TENM4: variants seen among roughly 807,000 people sequenced by gnomAD.
TENM4 encodes the protein teneurin-4.
Under a neutral mutation model 243.3 loss-of-function variants are expected in TENM4, and 82 were observed. The observed-to-expected ratio is 0.34, with a 90% CI of 0.28 to 0.40. The LOEUF is 0.40. Among genes scored for constraint, TENM4 ranks in the 10% least tolerant of loss-of-function variants. The pLI, the probability that TENM4 is intolerant of heterozygous loss-of-function variation, is 1.00. For synonymous variants in TENM4, 1,412 were observed against 1,456.3 expected (o/e 0.97, Z 0.69); for missense variants, 3,138 against 3,673.3 (o/e 0.85, Z 3.77).
chr11:78,771,160 T>C, intron 17 of TENM4, 22 bp from the exon 18 acceptor site: 1 of 1,557,842 alleles, frequency 6.4e-7, no homozygotes, highest in Non-Finnish European at 8.7e-7. Context: ...AGTACAGGGT[T>C]GAGGTCTGAT....
chr11:78,756,052 T>C (rs1282840425), intron 19 of TENM4, among the ~76,000 whole-genome samples: 3 of 152,120 alleles, frequency 2.0e-5, no homozygotes, highest in Non-Finnish European at 2.9e-5. Context: ...TCTGGGTCTT[T>C]GCATGAGCTC....
intron 1 of TENM4, among the ~76,000 whole-genome samples, chr11:79,344,957 A>G (rs368603756): frequency 4.9e-4 from 75 of 152,340 alleles, no homozygotes; most frequent in African/African-American, 1.5e-3. Flanking sequence ...CAAAGCTTCC[A>G]TAACTTCCTA....
intron 3 of TENM4, among the ~76,000 whole-genome samples, chr11:79,165,000 C>CAT (rs980052059): frequency 3.0e-5 from 4 of 132,266 alleles, no homozygotes; most frequent in Admixed American, 1.5e-4. Context: ...TGTGTGTATA[C>CAT]ATATATATAC....
intron 9 of TENM4, among the ~76,000 whole-genome samples, chr11:78,875,762 C>T (rs912215695): frequency 1.3e-5 from 2 of 152,176 alleles, no homozygotes; most frequent in Non-Finnish European, 2.9e-5. Context: ...TTAACAAATA[C>T]TTACTGGATA....
Position 78,722,742 on chromosome 11 carries a change from G to T in TENM4, c.3726C>A (p.Ser1242Arg). The part of the protein sequence containing the change: ...PVALTCGSDG[S>R]LYVGDFNYIR... Reference sequence around the variant, plus strand: ...TGTAGTTGAAATCACCCACATAGAGGCTCCCGTCAGAGCCACAGGTGAGGG... The same window carrying T: ...TGTAGTTGAAATCACCCACATAGAGTCTCCCGTCAGAGCCACAGGTGAGGG... The change falls in exon 24 of 34, where the codon AGC becomes AGA. Residue 1242 changes from serine to arginine, a missense_variant. Physicochemically the swap from Ser to Arg is moderately radical, Grantham distance 110. This residue lies in a region of TENM4 where 2,467 missense variants were observed against 3,059.1 expected (regional missense o/e 0.81). Coordinates refer to ENST00000278550, the MANE Select transcript of TENM4 (RefSeq NM_001098816.3). 1 of 1,614,042 alleles carries T rather than the reference G, an allele frequency of 6.2e-7. No individual in the cohort carries two copies. The highest frequency in any genetic ancestry group is 1.3e-5 in the African/African-American group (1 of 75,054).
At chr11:79,285,664 G>A (rs1043973508) in intron 2 of TENM4, among the ~76,000 whole-genome samples, 71 of 151,540 alleles carry the variant, frequency 4.7e-4, no homozygotes, top group African/African-American at 1.7e-3. Flanking sequence ...TGTGTGTGTG[G>A]GTGGGTATGG....
At chr11:79,354,540 C>T (rs1220825537) in intron 1 of TENM4, among the ~76,000 whole-genome samples, 2 of 152,196 alleles carry the variant, frequency 1.3e-5, no homozygotes, top group African/African-American at 4.8e-5. Flanking sequence ...ATATTTTTCT[C>T]TACCTTAAAA....
intron 9 of TENM4, among the ~76,000 whole-genome samples, chr11:78,868,385 C>T (rs1051327785): frequency 2.6e-5 from 4 of 152,144 alleles, no homozygotes; most frequent in Admixed American, 2.6e-4. Context: ...CTAAGGAGTT[C>T]AGAAAAAGGC....
At chr11:78,969,671 G>T (rs1857502521) in intron 6 of TENM4, among the ~76,000 whole-genome samples, 1 of 152,206 alleles carries the variant, frequency 6.6e-6, no homozygotes, top group Non-Finnish European at 1.5e-5. Context: ...GAAAATTCAT[G>T]TGAGCTTACA....
chr11:78,898,719 G>A (rs952591395), intron 7 of TENM4, among the ~76,000 whole-genome samples: 1 of 152,152 alleles, frequency 6.6e-6, no homozygotes. Context: ...TTATCAAACA[G>A]CTACCATGTT....
rs1196565333 is a variant in TENM4 at position 79,440,166 on chromosome 11, G to C, written c.-321+343C>G. Among the ~76,000 whole-genome samples, 1 of 152,070 alleles carries C rather than the reference G, an allele frequency of 6.6e-6. No homozygotes were observed. Among genetic ancestry groups the C allele is most frequent in the Non-Finnish European group, 1.5e-5 (1 of 67,972 alleles). On this transcript the variant is annotated intron_variant, in intron 1 of 33. Coordinates refer to ENST00000278550, the MANE Select transcript of TENM4 (RefSeq NM_001098816.3). This position sits in a 1 kb window ranked among gnomAD's most constrained non-coding sequence, Gnocchi z 4.7. The stretch of plus-strand genomic sequence containing the variant: ...AGGCGACCGGGCCGGGGCGGGGAAC[G>C]GGATCCGGGAGAGGCAGACGAACCT...
intron 1 of TENM4, among the ~76,000 whole-genome samples, chr11:79,321,622 G>A (rs1856890583): frequency 8.2e-6 from 1 of 122,466 alleles, no homozygotes; most frequent in African/African-American, 3.2e-5. Context: ...ATGACTTTCT[G>A]CACAAGCAGG....
chr11:79,280,087 C>T (rs1187030918), intron 2 of TENM4, among the ~76,000 whole-genome samples: 1 of 152,206 alleles, frequency 6.6e-6, no homozygotes, highest in Non-Finnish European at 1.5e-5. Context: ...AAAAATCAAA[C>T]CTGTTTCATC....
chr11:79,300,088 C>T (rs1045435401), intron 1 of TENM4, among the ~76,000 whole-genome samples: 2 of 152,164 alleles, frequency 1.3e-5, no homozygotes, highest in Non-Finnish European at 2.9e-5. Flanking sequence ...CTCTGGCTTC[C>T]CTCAGGGCAA....
chr11:79,337,560 TAGGTTATTGAGA>T (rs1175519085), intron 1 of TENM4, among the ~76,000 whole-genome samples: 1 of 152,160 alleles, frequency 6.6e-6, no homozygotes, highest in Non-Finnish European at 1.5e-5. Context: ...CTAAGAGTTG[TAGGTTATTGAGA>T]AGGCCAGGGT....
intron 6 of TENM4, among the ~76,000 whole-genome samples, chr11:79,041,685 G>C (rs1859536924): frequency 6.6e-6 from 1 of 152,190 alleles, no homozygotes; most frequent in East Asian, 1.9e-4. Context: ...ATGAAAAGGT[G>C]TCAAATCCTC....
chr11:79,249,600 G>A (rs534246625), intron 2 of TENM4, among the ~76,000 whole-genome samples: 1 of 152,144 alleles, frequency 6.6e-6, no homozygotes, highest in Non-Finnish European at 1.5e-5. Context: ...CAACCCAAAG[G>A]TATCGCAATA....
chr11:78,812,621 T>C (rs1857523467), intron 13 of TENM4, among the ~76,000 whole-genome samples: 1 of 152,112 alleles, frequency 6.6e-6, no homozygotes, highest in South Asian at 2.1e-4. Context: ...GAAGCTTCAG[T>C]CTGTTCCTCC....
At chr11:78,785,909 G>C (rs1856924886) in intron 16 of TENM4, among the ~76,000 whole-genome samples, 1 of 151,684 alleles carries the variant, frequency 6.6e-6, no homozygotes, top group Non-Finnish European at 1.5e-5. Context: ...TTCTAAGCCA[G>C]AAAGGTACCT....
Sources: allele counts gnomAD v4.1 joint callset (sites outside exome capture counted in the v4.1 genomes callset), GRCh38; gene constraint gnomAD v4.1.1; regional missense constraint gnomAD v4.1.1; non-coding constraint Gnocchi (gnomAD v3.1); transcripts MANE v1.5; gene names NCBI Gene and HGNC (gene_info 2026-07-23, HGNC 2026-07-21).